The following NBEA variants were observed in gnomAD, a reference collection of about 807,000 sequenced individuals.
The protein encoded by NBEA is neurobeachin, also known as lysosomal-trafficking regulator 2.
In NBEA, 44 loss-of-function variants were observed where a neutral mutation model predicts 343.4. The ratio of observed to expected loss-of-function variants is 0.13; its 90% confidence interval spans 0.10 to 0.16. NBEA has a LOEUF of 0.16. NBEA is among the 10% of genes least tolerant of loss of function. The pLI is 1.00. For synonymous variants in NBEA, 1,175 were observed against 1,238.7 expected, an observed-to-expected ratio of 0.95 and a Z score of 1.08; for missense variants, 2,555 against 3,631.3, an observed-to-expected ratio of 0.70 and a Z score of 7.62.
At chr13:35,268,520 T>G (rs2033870729) in intron 34 of NBEA, among the ~76,000 whole-genome samples, 1 of 152,034 alleles carries the variant, frequency 6.6e-6, no homozygotes, top group Non-Finnish European at 1.5e-5. Context: ...TTATGTCCTG[T>G]ACCACAGTAA....
At chr13:35,181,569 G>A (rs1353782493) in intron 28 of NBEA, among the ~76,000 whole-genome samples, 4 of 150,732 alleles carry the variant, frequency 2.7e-5, no homozygotes. Context: ...GTTCTTTGTC[G>A]GATGAATAGA....
intron 26 of NBEA, among the ~76,000 whole-genome samples, chr13:35,172,578 T>TTA (rs1471673430): frequency 6.6e-6 from 1 of 152,082 alleles, no homozygotes; most frequent in African/African-American, 2.4e-5. Context: ...ATCCTAATAC[T>TTA]ACTAGCACAT....
chr13:35,644,121 T>C (rs971355752), intron 49 of NBEA, among the ~76,000 whole-genome samples: 1 of 152,176 alleles, frequency 6.6e-6, no homozygotes, highest in African/African-American at 2.4e-5. Context: ...AAAAGGTAAA[T>C]ATTGGACTGA....
At chr13:35,301,249 G>A (rs1313727789) in intron 35 of NBEA, among the ~76,000 whole-genome samples, 1 of 151,278 alleles carries the variant, frequency 6.6e-6, no homozygotes, top group Non-Finnish European at 1.5e-5. Context: ...GTATACATGT[G>A]CCATCGTGGT....
At chr13:35,103,002 T>A (rs1192172664) in intron 11 of NBEA, among the ~76,000 whole-genome samples, 1 of 151,840 alleles carries the variant, frequency 6.6e-6, no homozygotes, top group East Asian at 1.9e-4. Flanking sequence ...ATATTTTTAA[T>A]AGATTACTTT....
chr13:35,074,728 G>A (rs1355217915), intron 10 of NBEA, among the ~76,000 whole-genome samples: 2 of 152,248 alleles, frequency 1.3e-5, no homozygotes, highest in East Asian at 3.9e-4. Flanking sequence ...ACAACATGAT[G>A]TTATGGGATA....
chr13:35,093,961 G>A (rs896053040), intron 10 of NBEA, among the ~76,000 whole-genome samples: 2 of 151,440 alleles, frequency 1.3e-5, no homozygotes, highest in African/African-American at 4.8e-5. Context: ...TATAAATTTT[G>A]TTACATACTA....
At chr13:35,037,159 T>A (rs1433880391) in intron 1 of NBEA, among the ~76,000 whole-genome samples, 2 of 152,224 alleles carry the variant, frequency 1.3e-5, no homozygotes, top group African/African-American at 2.4e-5. Flanking sequence ...TTCCTCTGGT[T>A]GTTCCAGTCT....
At chr13:35,171,122 G>A (rs770490599) in intron 25 of NBEA, 150 bp from the exon 26 acceptor site, 1 of 804,022 alleles carries the variant, frequency 1.2e-6, no homozygotes, top group South Asian at 1.5e-5. Context: ...ACCAGCTCTG[G>A]TGATATATGG....
chr13:35,352,223 G>T lies in NBEA; in HGVS notation c.6079G>T (p.Ala2027Ser). 2 of 1,569,954 alleles carry T rather than the reference G, an allele frequency of 1.3e-6. No individual in the cohort carries two copies. Among genetic ancestry groups the T allele is most frequent in the Non-Finnish European group, 1.7e-6 (2 of 1,154,640 alleles). The change falls in exon 38 of 59, where the codon GCT (alanine) becomes TCT (serine). Residue 2027 changes from alanine to serine, a missense_variant. Transcript: ENST00000379939. Reference sequence around the variant, plus strand: ...AAAGATGTGTGACCATCTTATCAGTGCTGCTAAACATCGAGATCATGTAAC... The same window carrying T: ...AAAGATGTGTGACCATCTTATCAGTTCTGCTAAACATCGAGATCATGTAAC... ...EEKMCDHLIS[A>S]AKHRDHVTAN...
intron 38 of NBEA, among the ~76,000 whole-genome samples, chr13:35,423,941 GCTCT>G (rs1280965701): frequency 6.6e-6 from 1 of 152,004 alleles, no homozygotes; most frequent in Non-Finnish European, 1.5e-5. Context: ...TCATGATTTG[GCTCT>G]CTGTTTGTCT....
In NBEA at chr13:35,668,412, G is replaced by A. The variant is rs867178648; in HGVS notation, c.8706G>A (p.Gly2902=). ...ACGGCCAGAACCTGGTCACCGGAGG[G>A]GACAATGGGGTAGTAGAGGTCTGGC... The part of the protein sequence containing the change: ...SSDGQNLVTG[G]DNGVVEVWQA... The change falls in exon 58 of 59, where the codon GGG becomes GGA. Residue 2902 remains glycine, a synonymous_variant. Coordinates refer to ENST00000379939, the MANE Select transcript of NBEA (RefSeq NM_001385012.1). 6.2e-7 allele frequency: 1 copy of A among 1,612,672 alleles called. No homozygotes were observed. The highest frequency in any genetic ancestry group is 8.5e-7 in the Non-Finnish European group (1 of 1,179,340).
At chr13:35,278,617 A>G (rs1386577637) in intron 34 of NBEA, among the ~76,000 whole-genome samples, 1 of 152,226 alleles carries the variant, frequency 6.6e-6, no homozygotes, top group African/African-American at 2.4e-5. Context: ...TTTGATGCTT[A>G]AATAACTAAG....
At chr13:34,960,637 G>A (rs1316333969) in intron 1 of NBEA, among the ~76,000 whole-genome samples, 1 of 151,956 alleles carries the variant, frequency 6.6e-6, no homozygotes, top group African/African-American at 2.4e-5. Flanking sequence ...GTCTAGATAT[G>A]TTTGGATATA....
chr13:35,665,675 G>A (rs2085317897), intron 56 of NBEA, among the ~76,000 whole-genome samples: 1 of 152,132 alleles, frequency 6.6e-6, no homozygotes, highest in African/African-American at 2.4e-5. Flanking sequence ...CACGCAGGCT[G>A]GGGTGCAATG....
At chr13:35,482,623 T>G (rs893275575) in intron 41 of NBEA, among the ~76,000 whole-genome samples, 3 of 150,704 alleles carry the variant, frequency 2.0e-5, no homozygotes, top group Non-Finnish European at 4.5e-5. Context: ...GTGTTCCTGA[T>G]TAAAAAAAAA....
At chr13:35,588,695 T>C (rs890600061) in intron 46 of NBEA, among the ~76,000 whole-genome samples, 81 of 152,282 alleles carry the variant, frequency 5.3e-4, no homozygotes, top group African/African-American at 1.9e-3. Flanking sequence ...TTTCTTCAGA[T>C]ATTAATATTA....
At chr13:35,508,475 A>AC (rs745420224) in intron 41 of NBEA, among the ~76,000 whole-genome samples, 187 of 152,312 alleles carry the variant, frequency 1.2e-3, no homozygotes, top group Non-Finnish European at 1.5e-3. Flanking sequence ...AACAATGCTG[A>AC]GTTTTAATGG....
In NBEA at chr13:35,670,885, G is replaced by T. The variant is rs751768947; in HGVS notation, c.8814-16G>T. On this transcript the variant is annotated splice_polypyrimidine_tract_variant and intron_variant, in intron 58 of 58. Transcript: ENST00000379939. The stretch of plus-strand genomic sequence containing the variant: ...TGATTTTATATCACTCTTAACTGCT[G>T]TTTCTGCTTTTCCAGGACTCTGATC... 1.9e-6 allele frequency: 3 copies of T among 1,559,774 alleles called. No homozygotes were observed. Among genetic ancestry groups the T allele is most frequent in the Non-Finnish European group, 2.6e-6 (3 of 1,142,322 alleles).
Sources: allele counts gnomAD v4.1 joint callset (sites outside exome capture counted in the v4.1 genomes callset), GRCh38; gene constraint gnomAD v4.1.1; transcripts MANE v1.5; gene names NCBI Gene and HGNC (gene_info 2026-07-23, HGNC 2026-07-21).